The following CCDC92B variants were observed in gnomAD, a reference collection of about 807,000 sequenced individuals.
The protein encoded by CCDC92B is coiled-coil domain containing 92B.
A neutral mutation model predicts 5.6 loss-of-function variants in CCDC92B; 2 were observed. The ratio of observed to expected loss-of-function variants is 0.36; its 90% CI spans 0.15 to 1.12. The LOEUF (loss-of-function observed/expected upper bound fraction) is 1.12. Among genes scored for constraint, CCDC92B ranks in the 50% most tolerant of loss-of-function variants. CCDC92B has a pLI of 0.40. For synonymous variants in CCDC92B, 115 were observed against 122.3 expected, an observed-to-expected ratio of 0.94 and a Z score of 0.39; for missense variants, 271 against 262.2, an observed-to-expected ratio of 1.03 and a Z score of -0.23.
chr17:2,726,531 G>T (rs1037292149), intron 3 of CCDC92B, among the ~76,000 whole-genome samples: 1 of 151,222 alleles, frequency 6.6e-6, no homozygotes, highest in African/African-American at 2.4e-5. Flanking sequence ...TGGCCAGAAT[G>T]GTCTTGAACT....
intron 3 of CCDC92B, among the ~76,000 whole-genome samples, chr17:2,726,590 T>C (rs1197193452): frequency 2.0e-5 from 3 of 152,028 alleles, no homozygotes; most frequent in Non-Finnish European, 4.4e-5. Context: ...GTGCTGGGAT[T>C]ACAGGCGTGA....
chr17:2,724,315 G>C lies in CCDC92B; in HGVS notation c.*96C>G, dbSNP rs2070697625. 2.3e-5 allele frequency: 23 copies of C among 985,144 alleles called. No homozygotes were observed. The highest frequency in any genetic ancestry group is 3.5e-5 in the African/African-American group (2 of 57,180). The allele number at this position is 985,144 out of a possible 1,614,324, so 61.0% of individuals were successfully genotyped here. A position where few individuals can be genotyped will look rare whatever the true frequency, so the allele number is the denominator to read the frequency against. ...TCGCCCCGCTTCCTGGAGGAGGGGC[G>C]GCTGCCCTCCGACCCGGGACCTGCC... On this transcript the variant is annotated 3_prime_UTR_variant, in exon 4 of 4. Transcript: ENST00000614400. The surrounding 1 kb of genome is among the most constrained non-coding windows in gnomAD (Gnocchi z 5.0).
chr17:2,736,100 T>C (rs1451336229), intron 1 of CCDC92B, among the ~76,000 whole-genome samples: 2 of 152,258 alleles, frequency 1.3e-5, no homozygotes, highest in East Asian at 3.9e-4. Context: ...TAACACTGAC[T>C]CTGGGCTGAA....
chr17:2,724,035 G>T lies in CCDC92B; in HGVS notation c.*376C>A, dbSNP rs1277804789. 3.0e-6 allele frequency: 3 copies of T among 984,812 alleles called. No individual in the cohort carries two copies. The Admixed American group carries it at 1.8e-4, about 61-fold the overall frequency. 61.0% of individuals were successfully genotyped at this position (984,812 alleles called of 1,614,324 possible). A position where few individuals can be genotyped will look rare whatever the true frequency, so the allele number is the denominator to read the frequency against. ...CCAATGCCACTCTGCGTCCCTTTCC[G>T]TAGGCGAGCCCAGCCCTCCCCACCC... On this transcript the variant is annotated 3_prime_UTR_variant, in exon 4 of 4. Transcript: ENST00000614400. This position sits in a 1 kb window ranked among gnomAD's most constrained non-coding sequence, Gnocchi z 5.0.
At position 2,727,692 on chromosome 17, in the gene CCDC92B, T is replaced by C. The variant is rs778803107; in HGVS notation, c.179-2692A>G. ...TACAAAAATTAGCTGGGTATGGTGGTGTGCGCCTGTGATCCCAGCTACTTG... is the reference window on the plus strand; with the variant it reads ...TACAAAAATTAGCTGGGTATGGTGGCGTGCGCCTGTGATCCCAGCTACTTG... On this transcript the variant is annotated intron_variant, in intron 3 of 3. Coordinates refer to ENST00000614400, the MANE Select transcript of CCDC92B (RefSeq NM_001355573.2). 6.2e-4 allele frequency among the ~76,000 whole-genome samples: 94 copies of C among 152,062 alleles called. 1 individual carries two copies. The highest frequency in any genetic ancestry group is 4.2e-3 in the South Asian group (20 of 4,816).
intron 1 of CCDC92B, among the ~76,000 whole-genome samples, chr17:2,748,944 C>T (rs1221910959): frequency 6.6e-6 from 1 of 152,172 alleles, no homozygotes; most frequent in African/African-American, 2.4e-5. Context: ...GCTCAGGACC[C>T]TCCACCTCAG....
chr17:2,748,484 A>G (rs2151747044), intron 1 of CCDC92B: 1 of 953,604 alleles, frequency 1.0e-6, no homozygotes, highest in Admixed American at 6.3e-5. Context: ...CTTCCGTGCA[A>G]AGCCATAAGT....
chr17:2,748,236 A>T, intron 1 of CCDC92B: 1 of 713,110 alleles, frequency 1.4e-6, no homozygotes, highest in Non-Finnish European at 2.3e-6. Context: ...CTCACTTACT[A>T]TATCCACCCT....
chr17:2,741,413 AC>A (rs1241398964), intron 1 of CCDC92B, among the ~76,000 whole-genome samples: 2 of 151,954 alleles, frequency 1.3e-5, no homozygotes, highest in Middle Eastern at 3.4e-3. Flanking sequence ...GCGGGGTCTC[AC>A]GCCTGTAATC....
At chr17:2,740,685 C>T (rs2070915559) in intron 1 of CCDC92B, among the ~76,000 whole-genome samples, 1 of 151,408 alleles carries the variant, frequency 6.6e-6, no homozygotes, top group Non-Finnish European at 1.5e-5. Context: ...AAACAAAAAA[C>T]AAAAAAATAA....
At chr17:2,748,036 G>T (rs906292945) in intron 1 of CCDC92B, 3 of 484,288 alleles carry the variant, frequency 6.2e-6, no homozygotes, top group Non-Finnish European at 1.2e-5. Context: ...TACAGTGCCT[G>T]GCAACTAGAA....
chr17:2,744,992 G>A (rs1285160615), intron 1 of CCDC92B, among the ~76,000 whole-genome samples: 1 of 147,324 alleles, frequency 6.8e-6, no homozygotes, highest in Non-Finnish European at 1.5e-5. Context: ...TTGAGCCCGG[G>A]AGTTTGAGGC....
At chr17:2,739,708 TGATAGATA>T (rs942443691) in intron 1 of CCDC92B, among the ~76,000 whole-genome samples, 6 of 151,852 alleles carry the variant, frequency 4.0e-5, no homozygotes, top group Non-Finnish European at 5.9e-5. Flanking sequence ...GATAGATAGG[TGATAGATA>T]GATAGATAGA....
intron 1 of CCDC92B, among the ~76,000 whole-genome samples, chr17:2,741,850 C>T (rs954605861): frequency 6.0e-5 from 9 of 151,060 alleles, no homozygotes; most frequent in African/African-American, 1.7e-4. Flanking sequence ...CCTCAGCCTC[C>T]CAAAGTACTG....
chr17:2,740,994 A>C (rs967750395), intron 1 of CCDC92B, among the ~76,000 whole-genome samples: 5 of 139,886 alleles, frequency 3.6e-5, no homozygotes, highest in African/African-American at 1.4e-4. Context: ...AAAAAAAAAG[A>C]GCCAGACTCC....
intron 2 of CCDC92B, among the ~76,000 whole-genome samples, chr17:2,732,247 C>T (rs1295254050): frequency 2.6e-5 from 4 of 152,182 alleles, no homozygotes; most frequent in Non-Finnish European, 5.9e-5. Context: ...CCCTTCAGCT[C>T]CTACACCAGC....
intron 1 of CCDC92B, among the ~76,000 whole-genome samples, chr17:2,738,790 G>A (rs2070885403): frequency 6.7e-6 from 1 of 149,788 alleles, no homozygotes; most frequent in African/African-American, 2.5e-5. Flanking sequence ...GAAATGTAAG[G>A]CCTGGCACAG....
chr17:2,749,190 G>C (rs1392029350), intron 1 of CCDC92B, among the ~76,000 whole-genome samples: 5 of 152,072 alleles, frequency 3.3e-5, no homozygotes, highest in Admixed American at 6.5e-5. Flanking sequence ...GCTCGACCTC[G>C]GGCCGCTCTG....
intron 1 of CCDC92B, among the ~76,000 whole-genome samples, chr17:2,740,059 G>T (rs1307825392): frequency 6.6e-6 from 1 of 152,082 alleles, no homozygotes; most frequent in Non-Finnish European, 1.5e-5. Context: ...AAGGTAATGT[G>T]AAAGAATAAA....
Sources: gnomAD v4.1 joint callset for allele counts (sites outside exome capture counted in the v4.1 genomes callset) on GRCh38, gnomAD v4.1.1 for gene constraint, Gnocchi (gnomAD v3.1) non-coding constraint, MANE v1.5 for transcripts, NCBI Gene and HGNC (gene_info 2026-07-23, HGNC 2026-07-21) for gene names.